The following SEZ6 variants were observed in gnomAD, a reference collection of about 807,000 sequenced individuals.
SEZ6 encodes the protein seizure related 6 homolog.
SEZ6 carries 53 observed loss-of-function variants against 101.0 expected under a neutral mutation model. That is an observed-to-expected ratio of 0.52 (90% confidence interval 0.42 to 0.66). The LOEUF is 0.66. SEZ6 is among the 30% of genes least tolerant of loss of function. SEZ6 has a pLI of 0.00. For missense variants in SEZ6, 1,102 were observed against 1,289.4 expected (o/e 0.85, Z 2.23); for synonymous variants, 488 against 512.2 (o/e 0.95, Z 0.64).
chr17:28,988,318 C>T (rs2041411075), intron 1 of SEZ6, among the ~76,000 whole-genome samples: 1 of 152,146 alleles, frequency 6.6e-6, no homozygotes, highest in African/African-American at 2.4e-5. Context: ...GGCTTGTGTC[C>T]CTGGGCAAGG....
chr17:28,960,383 G>C (rs2040957069), intron 7 of SEZ6, 122 bp downstream of exon 7: 1 of 1,324,578 alleles, frequency 7.5e-7, no homozygotes, highest in Non-Finnish European at 1.0e-6. Flanking sequence ...TGAGTGAGCA[G>C]GGGCTGACTT....
intron 2 of SEZ6, 42 bp downstream of exon 2, chr17:28,981,329 C>A: frequency 6.6e-7 from 1 of 1,513,754 alleles, no homozygotes; most frequent in Non-Finnish European, 8.9e-7. Context: ...CGCAGCCTCC[C>A]CCATCCCCAT....
Position 28,977,418 on chromosome 17 carries a change from G to A in SEZ6, c.858+2262C>T, listed in dbSNP as rs373001313. On this transcript the variant is annotated intron_variant, in intron 3 of 16. Coordinates refer to ENST00000317338, the MANE Select transcript of SEZ6 (RefSeq NM_178860.5). ...CCAAGGACCCTGCCCCCATGGCACCGAGGTGGAGGGTGGGGCCAGCATCTG... is the reference window on the plus strand; with the variant it reads ...CCAAGGACCCTGCCCCCATGGCACCAAGGTGGAGGGTGGGGCCAGCATCTG... Among the ~76,000 whole-genome samples, 126 of 152,378 alleles carry A rather than the reference G, an allele frequency of 8.3e-4. 1 individual carries two copies. In the South Asian group the frequency reaches 0.025, roughly 30 times the overall value.
At chr17:28,966,488 A>G (rs981831922) in intron 4 of SEZ6, among the ~76,000 whole-genome samples, 1 of 152,156 alleles carries the variant, frequency 6.6e-6, no homozygotes, top group African/African-American at 2.4e-5. Flanking sequence ...TTCTCAAAAA[A>G]AAGTGAAGAT....
intron 1 of SEZ6, among the ~76,000 whole-genome samples, chr17:29,003,832 A>G (rs1424928314): frequency 6.6e-6 from 1 of 152,142 alleles, no homozygotes; most frequent in Non-Finnish European, 1.5e-5. Flanking sequence ...CTCCTACCCC[A>G]CATATCCCAC....
chr17:28,970,583 A>G (rs949132593), intron 3 of SEZ6, among the ~76,000 whole-genome samples: 2 of 152,086 alleles, frequency 1.3e-5, no homozygotes, highest in Non-Finnish European at 2.9e-5. Flanking sequence ...AAATCTGTTC[A>G]TTACTCTTCA....
intron 13 of SEZ6, 51 bp downstream of exon 13, chr17:28,956,994 A>G: frequency 6.7e-7 from 1 of 1,500,002 alleles, no homozygotes; most frequent in Non-Finnish European, 9.0e-7. Flanking sequence ...CATCTTTGCC[A>G]GAGCAGCTCT....
chr17:28,959,752 C>G lies in SEZ6; in HGVS notation c.1717G>C (p.Glu573Gln), dbSNP rs1488126821. Reference protein sequence around the residue: ...YTLEQGSIIIECVDPHDPQWN... With the variant: ...YTLEQGSIIIQCVDPHDPQWN... ...TGGGGGTCGTGGGGGTCAACACACTCGATGATGATGGAGCCCTGCTCCAGG... is the reference window on the plus strand; with the variant it reads ...TGGGGGTCGTGGGGGTCAACACACTGGATGATGATGGAGCCCTGCTCCAGG... The change falls in exon 8 of 17, where the codon GAG becomes CAG. Residue 573 changes from glutamate (E) to glutamine (Q), a missense_variant. Glu to Gln is a conservative substitution (Grantham distance 29). This residue lies in a region of SEZ6 where 556 missense variants were observed against 735.1 expected (regional missense o/e 0.76). Coordinates refer to ENST00000317338, the MANE Select transcript of SEZ6 (RefSeq NM_178860.5). The surrounding 1 kb of genome is among the most constrained non-coding windows in gnomAD (Gnocchi z 4.4). The G allele has an allele frequency of 3.1e-6, 5 of 1,612,196 alleles. No individual in the cohort carries two copies. In the East Asian group the frequency reaches 6.7e-5, roughly 22 times the overall value.
intron 11 of SEZ6, 87 bp from the exon 12 acceptor site, chr17:28,957,626 C>T (rs1325574408): frequency 6.4e-6 from 9 of 1,416,218 alleles, no homozygotes; most frequent in Non-Finnish European, 8.6e-6. Context: ...GGCCAGCTAA[C>T]TTCTTCATGT....
At chr17:28,963,720 T>A (rs2041020850) in intron 5 of SEZ6, among the ~76,000 whole-genome samples, 1 of 152,224 alleles carries the variant, frequency 6.6e-6, no homozygotes, top group Non-Finnish European at 1.5e-5. Context: ...TTTCTCCCTT[T>A]CCTGGAAATG....
At chr17:28,978,535 G>A (rs906302898) in intron 3 of SEZ6, among the ~76,000 whole-genome samples, 8 of 152,240 alleles carry the variant, frequency 5.3e-5, no homozygotes, top group Admixed American at 2.0e-4. Flanking sequence ...AGGCATCATG[G>A]GATGACTCTT....
chr17:28,969,008 G>C (rs2041111388), intron 4 of SEZ6, among the ~76,000 whole-genome samples: 1 of 152,196 alleles, frequency 6.6e-6, no homozygotes, highest in African/African-American at 2.4e-5. Context: ...CTAAGCACTT[G>C]ACATGTACCA....
chr17:28,979,162 G>C (rs562805532), intron 3 of SEZ6, among the ~76,000 whole-genome samples: 1 of 152,102 alleles, frequency 6.6e-6, no homozygotes, highest in African/African-American at 2.4e-5. Flanking sequence ...TAATCCTAAC[G>C]GAGGGATGAG....
intron 1 of SEZ6, among the ~76,000 whole-genome samples, chr17:28,988,213 G>A (rs1207357175): frequency 1.3e-5 from 2 of 152,118 alleles, no homozygotes; most frequent in South Asian, 2.1e-4. Context: ...CATCCTTCAC[G>A]GGTCAGTTCC....
chr17:29,001,502 T>C (rs186655304), intron 1 of SEZ6, among the ~76,000 whole-genome samples: 3 of 152,206 alleles, frequency 2.0e-5, no homozygotes, highest in African/African-American at 7.2e-5. Context: ...GCTCCTTAAA[T>C]AGGTACTGGA....
chr17:28,956,795 C>T (rs2040886244), intron 13 of SEZ6, 38 bp from the exon 14 acceptor site: 1 of 1,554,422 alleles, frequency 6.4e-7, no homozygotes, highest in Admixed American at 1.9e-5. Context: ...AGTGAGTGAG[C>T]CCAATGGGCC....
chr17:29,006,052 G>A (rs1368867746), upstream of SEZ6: 7 of 417,460 alleles, frequency 1.7e-5, no homozygotes, highest in South Asian at 1.0e-4. Context: ...CCTGGCGACG[G>A]CGCCGGGGAT....
In SEZ6 at chr17:28,956,814, A is replaced by G; in HGVS notation, c.2693-57T>C. On this transcript the variant is annotated intron_variant, in intron 13 of 16. Transcript: ENST00000317338. ...AGTGAGCCCAATGGGCCAAACCACT[A>G]AGGCAGGGAGAGGAGGTAGTGGGAT... 3 of 1,536,388 alleles carry G rather than the reference A, an allele frequency of 2.0e-6. No individual in the cohort carries two copies. The South Asian group carries it at 3.6e-5, about 18-fold the overall frequency.
chr17:28,962,980 T>A (rs1336181625), intron 5 of SEZ6, among the ~76,000 whole-genome samples: 2 of 151,652 alleles, frequency 1.3e-5, no homozygotes, highest in Non-Finnish European at 2.9e-5. Flanking sequence ...AAAAATTAGC[T>A]GGGAGTGGTG....
Sources: allele counts gnomAD v4.1 joint callset (sites outside exome capture counted in the v4.1 genomes callset), GRCh38; gene constraint gnomAD v4.1.1; regional missense constraint gnomAD v4.1.1; non-coding constraint Gnocchi (gnomAD v3.1); transcripts MANE v1.5; gene names NCBI Gene and HGNC (gene_info 2026-07-23, HGNC 2026-07-21).